The following SV2B variants were observed in gnomAD, a reference collection of about 807,000 sequenced individuals.
The protein encoded by SV2B is synaptic vesicle glycoprotein 2B.
SV2B carries 41 observed loss-of-function variants against 73.9 expected under a neutral mutation model. The ratio of observed to expected loss-of-function variants is 0.56; its 90% confidence interval spans 0.43 to 0.72. The LOEUF is 0.72. SV2B is among the 30% of genes least tolerant of loss of function. SV2B has a pLI of 0.00. For synonymous variants in SV2B, 314 were observed against 314.2 expected (o/e 1.00, Z 0.01); for missense variants, 764 against 857.8 (o/e 0.89, Z 1.37).
intron 1 of SV2B, among the ~76,000 whole-genome samples, chr15:91,147,967 T>A (rs2141208390): frequency 1.3e-4 from 3 of 23,204 alleles, no homozygotes; most frequent in South Asian, 1.9e-3. Flanking sequence ...CCCCCCAACT[T>A]TTTTTTTTTT....
rs2049223877 is a variant in SV2B at position 91,296,369 on chromosome 15, T to G, written c.*3817T>G. The G allele has an allele frequency of 6.6e-6, 1 of 152,260 alleles. No homozygotes were observed. The highest frequency in any genetic ancestry group is 2.4e-5 in the African/African-American group (1 of 41,468). The allele number at this position is 152,260 out of a possible 1,614,324, so 9.4% of individuals were successfully genotyped here. A position where few individuals can be genotyped will look rare whatever the true frequency, so the allele number is the denominator to read the frequency against. The stretch of plus-strand genomic sequence containing the variant: ...ATAAGTTTATAGTAAGTTAAAGGTT[T>G]GTTTTACTCTCATGTGAAGGGAATC... On this transcript the variant is annotated 3_prime_UTR_variant, in exon 13 of 13. Coordinates refer to ENST00000394232, the MANE Select transcript of SV2B (RefSeq NM_001323032.3).
intron 1 of SV2B, among the ~76,000 whole-genome samples, chr15:91,103,332 A>AT (rs1244207965): frequency 6.6e-6 from 1 of 152,076 alleles, no homozygotes; most frequent in African/African-American, 2.4e-5. Flanking sequence ...TAGTATTATG[A>AT]TTTTTTGTTT....
chr15:91,230,211 A>G (rs990352005), intron 2 of SV2B, among the ~76,000 whole-genome samples: 2 of 151,768 alleles, frequency 1.3e-5, no homozygotes, highest in Non-Finnish European at 2.9e-5. Flanking sequence ...ACTGTACTCC[A>G]GCCTGGGTGA....
At chr15:91,202,515 C>T (rs545678810) in intron 1 of SV2B, among the ~76,000 whole-genome samples, 1 of 152,336 alleles carries the variant, frequency 6.6e-6, no homozygotes, top group South Asian at 2.1e-4. Context: ...TGTTTAGCCT[C>T]AGTTTCTTTA....
At chr15:91,192,766 A>G (rs905752684) in intron 1 of SV2B, among the ~76,000 whole-genome samples, 1 of 152,226 alleles carries the variant, frequency 6.6e-6, no homozygotes, top group Non-Finnish European at 1.5e-5. Flanking sequence ...TTTTGCTCGT[A>G]GTGGACAGAT....
In SV2B at chr15:91,281,947, TTAGGAG is replaced by T; in HGVS notation, c.1507+92_1507+97del. 4 of 1,436,260 alleles carry T rather than the reference TTAGGAG, an allele frequency of 2.8e-6. No homozygotes were observed. In the Admixed American group the frequency reaches 7.9e-5, roughly 28 times the overall value. 89.0% of individuals were successfully genotyped at this position (1,436,260 alleles called of 1,614,324 possible). Reference sequence around the variant, plus strand: ...GAATCAAAATGGTCAGGCATAAACTTTAGGAGTAGGAAAGTATTCGTAGATACAAAT... The same window carrying T: ...GAATCAAAATGGTCAGGCATAAACTTTAGGAAAGTATTCGTAGATACAAAT... On this transcript the variant is annotated intron_variant, in intron 10 of 12. Coordinates refer to ENST00000394232, the MANE Select transcript of SV2B (RefSeq NM_001323032.3). The surrounding 1 kb of genome is among the most constrained non-coding windows in gnomAD (Gnocchi z 4.7).
chr15:91,138,874 G>C (rs929994244), intron 1 of SV2B, among the ~76,000 whole-genome samples: 1 of 152,042 alleles, frequency 6.6e-6, no homozygotes, highest in Admixed American at 6.6e-5. Context: ...CACAAATAAG[G>C]CACAATGAAT....
chr15:91,302,345 T>C lies in SV2B; in HGVS notation c.*9793T>C, dbSNP rs986306819. Among the ~76,000 whole-genome samples, 2 of 152,108 alleles carry C rather than the reference T, an allele frequency of 1.3e-5. No individual in the cohort carries two copies. The highest frequency in any genetic ancestry group is 3.2e-3 in the Middle Eastern group (1 of 316). ...CCTGCTTTGCTGAGCTTTAAAACTT[T>C]AGTAACCTGATGATGGAGAGATCTG... On this transcript the variant is annotated 3_prime_UTR_variant, in exon 13 of 13. Transcript: ENST00000394232.
At chr15:91,215,125 T>C (rs2045981639) in intron 1 of SV2B, among the ~76,000 whole-genome samples, 1 of 152,196 alleles carries the variant, frequency 6.6e-6, no homozygotes, top group African/African-American at 2.4e-5. Context: ...GTCCTTGTGG[T>C]TGGGCATCTC....
chr15:91,168,473 C>T (rs2044000744), intron 1 of SV2B, among the ~76,000 whole-genome samples: 1 of 152,040 alleles, frequency 6.6e-6, no homozygotes, highest in South Asian at 2.1e-4. Flanking sequence ...CTGGGACTTG[C>T]CTTGAGACAA....
At position 91,252,384 on chromosome 15, in the gene SV2B, A is replaced by G. The variant is rs369681039; in HGVS notation, c.648A>G (p.Leu216=). Residue 216 remains leucine, a synonymous_variant, in exon 4 of 13, where the codon CTA becomes CTG. Transcript: ENST00000394232. The surrounding 1 kb of genome is among the most constrained non-coding windows in gnomAD (Gnocchi z 4.6). The stretch of plus-strand genomic sequence containing the variant: ...TCCTTTGCAGTATTGGGGGTGCTCT[A>G]CCGATTGTTTTTGCCTATTTTTCTG... ...LISGIGIGGA[L]PIVFAYFSEF... is the part of the protein sequence containing the mutation. 27 of 1,611,118 alleles carry G rather than the reference A, an allele frequency of 1.7e-5. No individual in the cohort carries two copies. The highest frequency in any genetic ancestry group is 2.0e-5 in the Non-Finnish European group (24 of 1,178,898).
rs2046175336 is a variant in SV2B, at chr15:91,220,412, G to C, written c.-391-5461G>C. Among the ~76,000 whole-genome samples, 1 of 152,226 alleles carries C rather than the reference G, an allele frequency of 6.6e-6. No individual in the cohort carries two copies. Among genetic ancestry groups the C allele is most frequent in the Non-Finnish European group, 1.5e-5 (1 of 68,026 alleles). On this transcript the variant is annotated intron_variant, in intron 1 of 12. Transcript: ENST00000394232. This position sits in a 1 kb window ranked among gnomAD's most constrained non-coding sequence, Gnocchi z 4.1. ...CATTTCTGAAAGAGAATAGTGAATA[G>C]AAGATGCAGTGTTTCCCAAACTTAC... is the stretch of plus-strand genomic sequence containing the variant.
At chr15:91,182,686 A>G (rs2044626854) in intron 1 of SV2B, among the ~76,000 whole-genome samples, 1 of 152,208 alleles carries the variant, frequency 6.6e-6, no homozygotes, top group African/African-American at 2.4e-5. Context: ...AAACTATTCC[A>G]AGAGTCTGTT....
At chr15:91,103,802 A>C (rs1329215987) in intron 1 of SV2B, among the ~76,000 whole-genome samples, 1 of 152,214 alleles carries the variant, frequency 6.6e-6, no homozygotes, top group Non-Finnish European at 1.5e-5. Flanking sequence ...CCACCTCAGA[A>C]GGCAACATTT....
intron 1 of SV2B, among the ~76,000 whole-genome samples, chr15:91,163,690 A>T (rs1331871623): frequency 2.0e-5 from 3 of 152,092 alleles, no homozygotes; most frequent in African/African-American, 7.2e-5. Flanking sequence ...TAGATTGTGA[A>T]AATTTTCTCC....
chr15:91,219,745 T>G (rs756778998), intron 1 of SV2B, among the ~76,000 whole-genome samples: 11 of 152,108 alleles, frequency 7.2e-5, no homozygotes, highest in Non-Finnish European at 1.5e-4. Flanking sequence ...ATCAACACCC[T>G]CCCCACACCC....
chr15:91,151,546 C>T (rs1415039407), intron 1 of SV2B, among the ~76,000 whole-genome samples: 2 of 152,194 alleles, frequency 1.3e-5, no homozygotes, highest in African/African-American at 4.8e-5. Context: ...CATTGGACAT[C>T]TCACCAAACA....
At position 91,137,571 on chromosome 15, in the gene SV2B, T is replaced by TATATATATATATATTTCTC. The variant is rs1246659649; in HGVS notation, c.-392+37226_-392+37244dup. ...AGGACAAAACTAGGAAAATGTGAAA[T>TATATATATATATATTTCTC]ATATATATATATATTTCTCATATAT... is the stretch of plus-strand genomic sequence containing the variant. On this transcript the variant is annotated intron_variant, in intron 1 of 12. Coordinates refer to ENST00000394232, the MANE Select transcript of SV2B (RefSeq NM_001323032.3). The surrounding 1 kb of genome is among the most constrained non-coding windows in gnomAD (Gnocchi z 4.9). Among the ~76,000 whole-genome samples, 1 of 96,820 alleles carries TATATATATATATATTTCTC rather than the reference T, an allele frequency of 1.0e-5. No homozygotes were observed. Among genetic ancestry groups the TATATATATATATATTTCTC allele is most frequent in the Non-Finnish European group, 2.2e-5 (1 of 44,776 alleles). 63.5% of individuals were successfully genotyped at this position (96,820 alleles called of 152,430 possible).
intron 1 of SV2B, among the ~76,000 whole-genome samples, chr15:91,200,628 C>T (rs769499515): frequency 3.3e-4 from 50 of 152,186 alleles, no homozygotes; most frequent in Admixed American, 2.2e-3. Flanking sequence ...AACTGAAAGC[C>T]GGCTTGGCAC....
Sources: gnomAD v4.1 joint callset for allele counts (sites outside exome capture counted in the v4.1 genomes callset) on GRCh38, gnomAD v4.1.1 for gene constraint, Gnocchi (gnomAD v3.1) non-coding constraint, MANE v1.5 for transcripts, NCBI Gene and HGNC (gene_info 2026-07-23, HGNC 2026-07-21) for gene names.